The following GAREM2 variants were observed in gnomAD, a reference collection of about 807,000 sequenced individuals.
GAREM2 encodes the protein GRB2 associated regulator of MAPK1 subtype 2.
Under a neutral mutation model 55.6 loss-of-function variants are expected in GAREM2, and 30 were observed. That is an observed-to-expected ratio of 0.54 (90% CI 0.40 to 0.73). The LOEUF is 0.73. GAREM2 is among the 30% of genes least tolerant of loss of function. The pLI, the probability that GAREM2 is intolerant of heterozygous loss-of-function variation, is 0.00. For missense variants in GAREM2, 1,075 were observed against 1,257.7 expected (o/e 0.85, Z 2.20); for synonymous variants, 550 against 569.1 (o/e 0.97, Z 0.48).
At chr2:26,198,490 G>T in the GAREM2 span, among the ~76,000 whole-genome samples, 1 of 151,252 alleles carries the variant, frequency 6.6e-6, no homozygotes, top group East Asian at 1.9e-4. Context: ...TTTTTATTCA[G>T]ATGGTTGGAT....
chr2:26,192,070 G>A (rs1036201604), downstream of GAREM2, among the ~76,000 whole-genome samples: 2 of 152,206 alleles, frequency 1.3e-5, no homozygotes, highest in African/African-American at 4.8e-5. Flanking sequence ...GAGCACGTGC[G>A]AGGGCCTTCC....
the GAREM2 span, among the ~76,000 whole-genome samples, chr2:26,203,113 T>A: frequency 6.6e-6 from 1 of 152,362 alleles, no homozygotes; most frequent in Non-Finnish European, 1.5e-5. Flanking sequence ...CTAGCACACA[T>A]CATTTTTTTG....
intron 2 of GAREM2, 127 bp from the exon 3 acceptor site, chr2:26,182,840 G>T: frequency 8.4e-7 from 1 of 1,184,238 alleles, no homozygotes; most frequent in Non-Finnish European, 1.2e-6. Flanking sequence ...CCTGCCCTTT[G>T]GCCCTCCTGA....
rs781582380 is a variant in GAREM2 at position 26,179,074 on chromosome 2, AGGACGGC to A, written c.253+2592_253+2598del. Reference sequence around the variant, plus strand: ...CCGAGGGGAAGGCCGTGGAGGGAGGAGGACGGCGACTCGCGCCGGGTGGGGCTGAAGG... The same window carrying A: ...CCGAGGGGAAGGCCGTGGAGGGAGGAGACTCGCGCCGGGTGGGGCTGAAGG... On this transcript the variant is annotated intron_variant, in intron 2 of 5. Coordinates refer to ENST00000401533, the MANE Select transcript of GAREM2 (RefSeq NM_001168241.2). This position sits in a 1 kb window ranked among gnomAD's most constrained non-coding sequence, Gnocchi z 4.7. Among the ~76,000 whole-genome samples, 2 of 152,044 alleles carry A rather than the reference AGGACGGC, an allele frequency of 1.3e-5. No homozygotes were observed. The highest frequency in any genetic ancestry group is 2.9e-5 in the Non-Finnish European group (2 of 67,984).
At position 26,184,863 on chromosome 2, in the gene GAREM2, C is replaced by T. The variant is rs1445521303; in HGVS notation, c.1015C>T (p.Arg339Cys). ...GLLAGDPRVERLVRDSASYCR... is the reference protein window; with the variant it reads ...GLLAGDPRVECLVRDSASYCR... ...GCTGGCCGGGGACCCGCGCGTCGAG[C>T]GCCTGGTGCGCGACAGCGCCTCCTA... Residue 339 changes from arginine (R) to cysteine (C), a missense_variant, in exon 4 of 6, where the codon CGC becomes TGC. Physicochemically the swap from Arg to Cys is radical, Grantham distance 180. Coordinates refer to ENST00000401533, the MANE Select transcript of GAREM2 (RefSeq NM_001168241.2). 6.1e-6 allele frequency: 9 copies of T among 1,466,658 alleles called. No homozygotes were observed. Among genetic ancestry groups the T allele is most frequent in the Admixed American group, 5.2e-5 (2 of 38,764 alleles). The allele number at this position is 1,466,658 out of a possible 1,614,324, so 90.9% of individuals were successfully genotyped here. A position where few individuals can be genotyped will look rare whatever the true frequency, so the allele number is the denominator to read the frequency against.
chr2:26,182,628 A>C (rs1184297999), intron 2 of GAREM2: 22 of 884,770 alleles, frequency 2.5e-5, no homozygotes, highest in Non-Finnish European at 3.9e-5. Context: ...TACCACACTG[A>C]TAGTTGATCA....
chr2:26,187,580 C>A lies in GAREM2; in HGVS notation c.1948C>A (p.Pro650Thr). ...SGPSAALSSG[P>T]RTTSGPVATS... ...CCCTTCAGCGGCCTTGTCTTCTGGG[C>A]CCAGAACCACCTCGGGTCCTGTGGC... Residue 650 changes from proline to threonine, a missense_variant, in exon 6 of 6, where the codon CCC becomes ACC. This residue lies in a region of GAREM2 where 515 missense variants were observed against 501.5 expected (regional missense o/e 1.03). Coordinates refer to ENST00000401533, the MANE Select transcript of GAREM2 (RefSeq NM_001168241.2). 1 of 1,548,248 alleles carries A rather than the reference C, an allele frequency of 6.5e-7. No homozygotes were observed. Among genetic ancestry groups the A allele is most frequent in the South Asian group, 1.2e-5 (1 of 83,396 alleles).
chr2:26,192,890 AAAG>A (rs373546094), downstream of GAREM2, among the ~76,000 whole-genome samples: 5 of 152,246 alleles, frequency 3.3e-5, no homozygotes, highest in East Asian at 1.9e-4. Flanking sequence ...GCAGAGAAGG[AAAG>A]AAGATCTTGT....
chr2:26,184,211 GCCCT>G lies in GAREM2; in HGVS notation c.385-21_385-18del. ...TTCCCTGGGACCTGGCTAAGGCCCT[GCCCT>G]GTCTCTGGGATCCCCAGGTGGTGTC... On this transcript the variant is annotated intron_variant, in intron 3 of 5. Transcript: ENST00000401533. 5 of 1,548,028 alleles carry G rather than the reference GCCCT, an allele frequency of 3.2e-6. No homozygotes were observed. The highest frequency in any genetic ancestry group is 4.4e-6 in the Non-Finnish European group (5 of 1,144,832).
intron 1 of GAREM2, among the ~76,000 whole-genome samples, chr2:26,175,607 G>A (rs922706219): frequency 1.1e-4 from 16 of 152,078 alleles, no homozygotes; most frequent in Non-Finnish European, 7.4e-5. Flanking sequence ...GATGGGGTTG[G>A]GGGTTTCTGG....
At chr2:26,175,598 ATGGGGT>A (rs1449844843) in intron 1 of GAREM2, among the ~76,000 whole-genome samples, 2 of 150,680 alleles carry the variant, frequency 1.3e-5, no homozygotes, top group Non-Finnish European at 3.0e-5. Context: ...CTTCTCTGAG[ATGGGGT>A]TGGGGGTTTC....
At chr2:26,173,469 T>G (rs2147715981) in intron 1 of GAREM2, 137 bp downstream of exon 1, 23 of 365,928 alleles carry the variant, frequency 6.3e-5, no homozygotes, top group Middle Eastern at 8.3e-4. Context: ...GAGCGGTTCC[T>G]GGCGCGCCTC....
chr2:26,189,790 C>T (rs942951127), downstream of GAREM2: 4 of 152,290 alleles, frequency 2.6e-5, no homozygotes, highest in African/African-American at 7.2e-5. Context: ...ATTCCCATGT[C>T]TGTGGAGGCG....
At chr2:26,185,783 T>C (rs1211618915) in intron 4 of GAREM2, among the ~76,000 whole-genome samples, 1 of 152,144 alleles carries the variant, frequency 6.6e-6, no homozygotes, top group Non-Finnish European at 1.5e-5. Context: ...CTCTTTGGGG[T>C]ACACGACTTG....
chr2:26,185,384 G>A, intron 4 of GAREM2, 108 bp downstream of exon 4: 2 of 1,377,396 alleles, frequency 1.5e-6, no homozygotes, highest in Non-Finnish European at 1.9e-6. Flanking sequence ...CTTCCTCGGC[G>A]GGGTGGGGAA....
At chr2:26,192,697 T>C (rs573637170), downstream of GAREM2, among the ~76,000 whole-genome samples, 55 of 151,996 alleles carry the variant, frequency 3.6e-4, no homozygotes, top group African/African-American at 1.3e-3. Flanking sequence ...ATTATGCCAC[T>C]GCACTCCAGC....
chr2:26,175,226 C>T (rs1053366324), intron 1 of GAREM2, among the ~76,000 whole-genome samples: 2 of 152,154 alleles, frequency 1.3e-5, no homozygotes, highest in African/African-American at 4.8e-5. Context: ...TACTCCCTAC[C>T]CCCACCCTCC....
downstream of GAREM2, among the ~76,000 whole-genome samples, chr2:26,192,843 G>A (rs1669549870): frequency 6.6e-6 from 1 of 152,152 alleles, no homozygotes; most frequent in South Asian, 2.1e-4. Flanking sequence ...TGTATGTCTA[G>A]CTAACCCTAG....
downstream of GAREM2, chr2:26,191,780 C>T (rs1249129900): frequency 1.3e-6 from 1 of 776,366 alleles, no homozygotes. Context: ...CTGGGTGAAC[C>T]AAACTTTCCC....
Sources: gnomAD v4.1 joint callset for allele counts (sites outside exome capture counted in the v4.1 genomes callset) on GRCh38, gnomAD v4.1.1 for gene constraint, gnomAD v4.1.1 regional missense constraint, Gnocchi (gnomAD v3.1) non-coding constraint, MANE v1.5 for transcripts, NCBI Gene and HGNC (gene_info 2026-07-23, HGNC 2026-07-21) for gene names.